The following NTM variants were observed in gnomAD, a reference collection of about 807,000 sequenced individuals.
The protein encoded by NTM is neurotrimin.
Under a neutral mutation model 42.1 loss-of-function variants are expected in NTM, and 13 were observed. That is an observed-to-expected ratio of 0.31 (90% CI 0.20 to 0.49). NTM has a LOEUF of 0.49. Ranked by LOEUF, NTM falls within the 20% of genes least tolerant of loss-of-function variation. The probability of loss-of-function intolerance (pLI) is 0.99; values close to 1 mark genes in which losing one functional copy is unlikely to be tolerated. For missense variants in NTM, 373 were observed against 452.8 expected (o/e 0.82, Z 1.60); for synonymous variants, 187 against 179.2 (o/e 1.04, Z -0.35).
intron 1 of NTM, among the ~76,000 whole-genome samples, chr11:131,904,355 C>T (rs1429373347): frequency 6.6e-6 from 1 of 152,050 alleles, no homozygotes; most frequent in Non-Finnish European, 1.5e-5. Flanking sequence ...GATAAAATTG[C>T]CATTCCTAGG....
At chr11:131,783,516 GA>G (rs1409192849) in intron 1 of NTM, among the ~76,000 whole-genome samples, 1 of 152,080 alleles carries the variant, frequency 6.6e-6, no homozygotes, top group Non-Finnish European at 1.5e-5. Context: ...TTTCAGCAAA[GA>G]GGCCATGATG....
At chr11:131,396,323 T>G (rs1475038846) in intron 1 of NTM, among the ~76,000 whole-genome samples, 1 of 152,118 alleles carries the variant, frequency 6.6e-6, no homozygotes, top group East Asian at 1.9e-4. Flanking sequence ...TTAAAACCGA[T>G]CTCAGTGCCA....
intron 1 of NTM, among the ~76,000 whole-genome samples, chr11:131,437,554 CT>C (rs555266548): frequency 0.024 from 3,667 of 152,206 alleles, 155 homozygotes; most frequent in African/African-American, 0.082. Flanking sequence ...TTCTTTGTCT[CT>C]TTTTATCTTT....
At chr11:132,132,308 T>C (rs7480678) in intron 2 of NTM, among the ~76,000 whole-genome samples, 48,092 of 152,110 alleles carry the variant, frequency 0.32, 7,922 homozygotes, top group Non-Finnish European at 0.36. Context: ...AGAGTTAAAA[T>C]TGGGTCTATT....
chr11:131,726,016 A>C (rs944210997), intron 1 of NTM, among the ~76,000 whole-genome samples: 2 of 152,324 alleles, frequency 1.3e-5, no homozygotes, highest in Middle Eastern at 3.4e-3. Flanking sequence ...TCTAAGAGAA[A>C]CAATAGGAAG....
intron 2 of NTM, among the ~76,000 whole-genome samples, chr11:132,133,660 G>T (rs1318275508): frequency 1.3e-5 from 2 of 152,156 alleles, no homozygotes; most frequent in Non-Finnish European, 2.9e-5. Context: ...CACCTTAAGA[G>T]CATGTCTGTT....
chr11:132,213,224 G>T (rs565895646), intron 4 of NTM, among the ~76,000 whole-genome samples: 1 of 152,152 alleles, frequency 6.6e-6, no homozygotes, highest in Non-Finnish European at 1.5e-5. Flanking sequence ...ATATTAGGGG[G>T]TGCTTTTGGT....
intron 1 of NTM, among the ~76,000 whole-genome samples, chr11:131,879,443 T>C (rs2049123648): frequency 6.6e-6 from 1 of 152,168 alleles, no homozygotes. Context: ...GTCATCTTAA[T>C]GATGACAGCC....
intron 1 of NTM, among the ~76,000 whole-genome samples, chr11:131,520,536 A>G (rs2049495926): frequency 6.6e-6 from 1 of 152,120 alleles, no homozygotes; most frequent in African/African-American, 2.4e-5. Flanking sequence ...TAGCCACGCA[A>G]TTTGATTTAT....
chr11:131,677,771 G>A (rs1199482979), intron 1 of NTM, among the ~76,000 whole-genome samples: 1 of 152,210 alleles, frequency 6.6e-6, no homozygotes, highest in Non-Finnish European at 1.5e-5. Context: ...ATGCAGTCAG[G>A]AAATGTCAGG....
intron 3 of NTM, among the ~76,000 whole-genome samples, chr11:132,156,281 A>G (rs531135522): frequency 6.6e-6 from 1 of 152,154 alleles, no homozygotes; most frequent in African/African-American, 2.4e-5. Context: ...TTTTCATTCT[A>G]GTGTATTTTT....
At chr11:131,448,746 T>G (rs1382717012) in intron 1 of NTM, among the ~76,000 whole-genome samples, 1 of 152,180 alleles carries the variant, frequency 6.6e-6, no homozygotes. Flanking sequence ...AGCCTCTCTG[T>G]CTAGGGCTGA....
chr11:132,185,760 C>A (rs1464166148), intron 3 of NTM, among the ~76,000 whole-genome samples: 2 of 152,114 alleles, frequency 1.3e-5, no homozygotes, highest in African/African-American at 4.8e-5. Flanking sequence ...TTCTCAAGAG[C>A]ATAGCTTTCA....
chr11:131,938,278 C>T (rs568300982), intron 2 of NTM, among the ~76,000 whole-genome samples: 6 of 152,246 alleles, frequency 3.9e-5, no homozygotes, highest in Admixed American at 1.3e-4. Flanking sequence ...ACTGTGGAGA[C>T]GGGAACAGTG....
At position 131,994,017 on chromosome 11, in the gene NTM, A is replaced by AATAG. The variant is rs1555209837; in HGVS notation, c.167+82370_167+82371insTAGA. Among the ~76,000 whole-genome samples the AATAG allele has an allele frequency of 1.6e-3, 226 of 138,010 alleles. 3 individuals carry two copies. In the East Asian group the frequency reaches 0.039, roughly 24 times the overall value. 90.5% of individuals were successfully genotyped at this position (138,010 alleles called of 152,430 possible). A position where few individuals can be genotyped will look rare whatever the true frequency, so the allele number is the denominator to read the frequency against. On this transcript the variant is annotated intron_variant, in intron 2 of 8. Coordinates refer to ENST00000683400, the MANE Select transcript of NTM (RefSeq NM_001352005.2). ...AAACTCCATCTCCAAAAAAAAAAAAAAAGAAGAAGAAGAAGAAGAACAAAG... is the reference window on the plus strand; with the variant it reads ...AAACTCCATCTCCAAAAAAAAAAAAAATAGAAGAAGAAGAAGAAGAAGAACAAAG...
chr11:131,677,363 A>C (rs1220934808), intron 1 of NTM, among the ~76,000 whole-genome samples: 8 of 152,222 alleles, frequency 5.3e-5, no homozygotes, highest in Admixed American at 5.2e-4. Flanking sequence ...AGAAGTCCTT[A>C]ATAAACTCTA....
In NTM at chr11:131,972,059, A is replaced by AAAAAAAAG. The variant is rs1377136763; in HGVS notation, c.167+60415_167+60416insAAAGAAAA. 6.0e-5 allele frequency among the ~76,000 whole-genome samples: 9 copies of AAAAAAAAG among 149,558 alleles called. No homozygotes were observed. The East Asian group carries it at 1.8e-3, about 29-fold the overall frequency. The stretch of plus-strand genomic sequence containing the variant: ...CTCCGTCTCAAAAAAAAAAAAAAAA[A>AAAAAAAAG]AAAATTAGCCAGGTGTGGTGGCACA... On this transcript the variant is annotated intron_variant, in intron 2 of 8. Coordinates refer to ENST00000683400, the MANE Select transcript of NTM (RefSeq NM_001352005.2).
chr11:131,747,503 C>G (rs1392384897), intron 1 of NTM, among the ~76,000 whole-genome samples: 2 of 152,206 alleles, frequency 1.3e-5, no homozygotes, highest in African/African-American at 4.8e-5. Context: ...AGCTTTGTAG[C>G]TGGACTCTCG....
chr11:131,698,535 G>A (rs2075727722), intron 1 of NTM, among the ~76,000 whole-genome samples: 1 of 152,012 alleles, frequency 6.6e-6, no homozygotes, highest in South Asian at 2.1e-4. Flanking sequence ...TACAGATGAG[G>A]GAATTGTGAT....
Sources: allele counts gnomAD v4.1 joint callset (sites outside exome capture counted in the v4.1 genomes callset), GRCh38; gene constraint gnomAD v4.1.1; transcripts MANE v1.5; gene names NCBI Gene and HGNC (gene_info 2026-07-23, HGNC 2026-07-21).